Variants in PLCE1 observed in about 807,000 individuals in gnomAD.
PLCE1 encodes phospholipase C epsilon 1, also known as 1-phosphatidylinositol 4,5-bisphosphate phosphodiesterase epsilon-1.
Under a neutral mutation model 242.8 loss-of-function variants are expected in PLCE1, and 119 were observed. The observed-to-expected ratio is 0.49, with a 90% CI of 0.42 to 0.57. PLCE1 has a LOEUF of 0.57. PLCE1 is among the 20% of genes least tolerant of loss of function. The pLI, the probability that PLCE1 is intolerant of heterozygous loss-of-function variation, is 0.00. For synonymous variants in PLCE1, 945 were observed against 1,017.4 expected, an observed-to-expected ratio of 0.93 and a Z score of 1.35; for missense variants, 2,441 against 2,788.8, an observed-to-expected ratio of 0.88 and a Z score of 2.81.
intron 3 of PLCE1, among the ~76,000 whole-genome samples, chr10:94,168,177 C>A (rs2047867505): frequency 1.3e-5 from 2 of 152,054 alleles, no homozygotes; most frequent in Admixed American, 6.5e-5. Context: ...TTCCAGTGGC[C>A]CATGTTGTTA....
At chr10:94,104,972 A>G (rs759427044) in intron 2 of PLCE1, 4 of 152,204 alleles carry the variant, frequency 2.6e-5, no homozygotes, top group African/African-American at 9.6e-5. Flanking sequence ...GTCTTCTCAT[A>G]TATTATCCTG....
rs10882386 is a variant in PLCE1, at chr10:94,030,912, G to A, written c.-135G>A. On this transcript the variant is annotated 5_prime_UTR_variant, in exon 2 of 33. Transcript: ENST00000371380. ...GCCTCTTAATGCTCCTGAATGAAAG[G>A]AATTATCCCTTTGTTCTTTGGGAGG... 238,824 of 850,334 alleles carry A rather than the reference G, an allele frequency of 0.28. 35,913 individuals are homozygous for A. Among genetic ancestry groups the A allele is most frequent in the East Asian group, 0.46 (18,537 of 39,990 alleles). 52.7% of individuals were successfully genotyped at this position (850,334 alleles called of 1,614,324 possible). A position where few individuals can be genotyped will look rare whatever the true frequency, so the allele number is the denominator to read the frequency against.
intron 3 of PLCE1, among the ~76,000 whole-genome samples, chr10:94,164,988 C>G (rs1413619087): frequency 2.0e-5 from 3 of 152,200 alleles, no homozygotes; most frequent in African/African-American, 7.2e-5. Flanking sequence ...CTGATCTTTC[C>G]TCTGGAAGTT....
chr10:94,262,672 T>C lies in PLCE1; in HGVS notation c.3993T>C (p.Asp1331=). 1 of 1,614,060 alleles carries C rather than the reference T, an allele frequency of 6.2e-7. No individual in the cohort carries two copies. The highest frequency in any genetic ancestry group is 8.5e-7 in the Non-Finnish European group (1 of 1,179,984). ...IFGVGILQLN[D]FLVNCQGEHC... ...GGGTGGGCATACTTCAGCTCAACGATTTCCTCGTGAATTGCCAAGGAGAAC... is the reference window on the plus strand; with the variant it reads ...GGGTGGGCATACTTCAGCTCAACGACTTCCTCGTGAATTGCCAAGGAGAAC... Residue 1331 remains aspartate, a synonymous_variant, in exon 14 of 33, where the codon GAT becomes GAC. Transcript: ENST00000371380.
intron 22 of PLCE1, among the ~76,000 whole-genome samples, chr10:94,290,327 A>G (rs1333942112): frequency 7.1e-6 from 1 of 139,968 alleles, no homozygotes; most frequent in Admixed American, 7.1e-5. Flanking sequence ...TTTCTTTCTT[A>G]TTTTTCTCCT....
rs2050668950 is a variant in PLCE1 at position 94,246,084 on chromosome 10, C to T, written c.2559C>T (p.Ile853=). The T allele has an allele frequency of 6.2e-7, 1 of 1,614,152 alleles. No homozygotes were observed. The highest frequency in any genetic ancestry group is 1.3e-5 in the African/African-American group (1 of 75,048). The change falls in exon 8 of 33, where the codon ATC becomes ATT. Residue 853 remains isoleucine, a synonymous_variant. Coordinates refer to ENST00000371380, the MANE Select transcript of PLCE1 (RefSeq NM_016341.4). ...TELIPWYVLS[I]QADVHQFLLQ... is the part of the protein sequence containing the mutation. ...TCATCCCTTGGTACGTGCTGTCCAT[C>T]CAAGCCGATGTGCACCAGTTCCTGC...
rs767860128 is a variant in PLCE1 at position 94,322,028 on chromosome 10, G to T, written c.6470G>T (p.Arg2157Leu). The T allele has an allele frequency of 1.2e-6, 2 of 1,614,090 alleles. No homozygotes were observed. The change falls in exon 30 of 33, where the codon CGC becomes CTC. Residue 2157 changes from arginine to leucine, a missense_variant. Physicochemically the swap from Arg to Leu is moderately radical, Grantham distance 102. Transcript: ENST00000371380. Reference sequence around the variant, plus strand: ...CCTCGAACAGTCATCAAAGCACCCCGCGTCAGCACTGCACAGGATGTCATT... The same window carrying T: ...CCTCGAACAGTCATCAAAGCACCCCTCGTCAGCACTGCACAGGATGTCATT... ...EQPRTVIKAPRVSTAQDVIQQ... is the reference protein window; with the variant it reads ...EQPRTVIKAPLVSTAQDVIQQ...
chr10:94,152,636 G>A (rs1469620448), intron 3 of PLCE1, among the ~76,000 whole-genome samples: 2 of 152,194 alleles, frequency 1.3e-5, no homozygotes, highest in Non-Finnish European at 2.9e-5. Context: ...CTATAAAATG[G>A]AATGCTAATT....
chr10:94,115,485 T>A (rs2046095126), intron 2 of PLCE1, among the ~76,000 whole-genome samples: 3 of 152,232 alleles, frequency 2.0e-5, no homozygotes, highest in African/African-American at 2.4e-5. Flanking sequence ...TGTATCTCAT[T>A]GTGGTTTTGA....
At chr10:94,090,081 G>C (rs1307986169) in intron 2 of PLCE1, among the ~76,000 whole-genome samples, 1 of 151,804 alleles carries the variant, frequency 6.6e-6, no homozygotes, top group African/African-American at 2.4e-5. Context: ...AAGGATATTA[G>C]ACCTTTGATA....
At chr10:94,133,262 A>G (rs2046665881) in intron 3 of PLCE1, among the ~76,000 whole-genome samples, 1 of 152,220 alleles carries the variant, frequency 6.6e-6, no homozygotes, top group Non-Finnish European at 1.5e-5. Context: ...CAAGATAGGC[A>G]GGCATCCCAC....
intron 2 of PLCE1, among the ~76,000 whole-genome samples, chr10:94,079,710 C>A (rs1007177197): frequency 9.9e-5 from 15 of 152,198 alleles, no homozygotes; most frequent in African/African-American, 3.4e-4. Context: ...CCTAAGCCAA[C>A]TGGAATTTCT....
intron 2 of PLCE1, among the ~76,000 whole-genome samples, chr10:94,034,890 G>A (rs12778012): frequency 2.0e-5 from 3 of 152,158 alleles, no homozygotes; most frequent in Admixed American, 2.0e-4. Flanking sequence ...CCCTAAAAAA[G>A]ACACTGCTTG....
intron 2 of PLCE1, among the ~76,000 whole-genome samples, chr10:94,051,448 G>A (rs1253646564): frequency 6.6e-6 from 1 of 152,088 alleles, no homozygotes; most frequent in African/African-American, 2.4e-5. Context: ...CATCATCGAA[G>A]CTCATTGTAA....
At chr10:94,020,899 T>C (rs1954345) in intron 1 of PLCE1, among the ~76,000 whole-genome samples, 76,625 of 151,978 alleles carry the variant, frequency 0.5, 19,786 homozygotes, top group East Asian at 0.73. Context: ...GCATAATCTT[T>C]GCTCACTGCA....
intron 2 of PLCE1, among the ~76,000 whole-genome samples, chr10:94,039,492 A>C (rs2061727115): frequency 6.6e-6 from 1 of 151,726 alleles, no homozygotes; most frequent in Admixed American, 6.6e-5. Context: ...AGCAATTCTC[A>C]TGCCTCAACC....
chr10:94,171,054 A>G (rs2047958267), intron 3 of PLCE1, 126 bp from the exon 4 acceptor site: 3 of 817,478 alleles, frequency 3.7e-6, no homozygotes, highest in Non-Finnish European at 6.2e-6. Flanking sequence ...AAAATAGTAC[A>G]GAACTCTTCA....
chr10:94,127,869 C>T (rs1394991418), intron 2 of PLCE1, among the ~76,000 whole-genome samples: 1 of 152,136 alleles, frequency 6.6e-6, no homozygotes, highest in East Asian at 1.9e-4. Flanking sequence ...ACCAATGCTC[C>T]AGAGCCATAC....
At chr10:94,137,870 A>C (rs1418940839) in intron 3 of PLCE1, 3 of 288,704 alleles carry the variant, frequency 1.0e-5, no homozygotes, top group Non-Finnish European at 2.1e-5. Context: ...GCTCAACTAC[A>C]GTCTCCACTG....
Sources: allele counts gnomAD v4.1 joint callset (sites outside exome capture counted in the v4.1 genomes callset), GRCh38; gene constraint gnomAD v4.1.1; transcripts MANE v1.5; gene names NCBI Gene and HGNC (gene_info 2026-07-23, HGNC 2026-07-21).